DNAAF9: variants seen among roughly 807,000 people sequenced by gnomAD.
The protein encoded by DNAAF9 is shulin.
DNAAF9 carries 90 observed loss-of-function variants against 167.0 expected under a neutral mutation model. The observed-to-expected ratio is 0.54, with a 90% CI of 0.45 to 0.64. The LOEUF (loss-of-function observed/expected upper bound fraction) is 0.64. Among genes scored for constraint, DNAAF9 ranks in the 30% least tolerant of loss-of-function variants. The probability of loss-of-function intolerance (pLI) is 0.00; values close to 1 mark genes in which losing one functional copy is unlikely to be tolerated. For synonymous variants in DNAAF9, 491 were observed against 508.8 expected (o/e 0.96, Z 0.47); for missense variants, 1,315 against 1,442.2 (o/e 0.91, Z 1.43).
chr20:3,376,001 C>G (rs1055709659), intron 4 of DNAAF9, among the ~76,000 whole-genome samples, 177 bp downstream of exon 4: 3 of 152,190 alleles, frequency 2.0e-5, no homozygotes, highest in African/African-American at 7.2e-5. Flanking sequence ...CACAGGCATA[C>G]AATTTATCTA....
intron 6 of DNAAF9, among the ~76,000 whole-genome samples, chr20:3,372,119 CA>C (rs1344277882): frequency 6.6e-6 from 1 of 152,200 alleles, no homozygotes; most frequent in African/African-American, 2.4e-5. Context: ...CCATATAATA[CA>C]ACACAAGTTT....
chr20:3,399,547 G>T (rs2083955892), intron 1 of DNAAF9, among the ~76,000 whole-genome samples: 1 of 152,074 alleles, frequency 6.6e-6, no homozygotes, highest in Non-Finnish European at 1.5e-5. Flanking sequence ...CTTTATTTGT[G>T]GCAGCAATAG....
At chr20:3,300,205 C>T (rs1480229745) in intron 21 of DNAAF9, among the ~76,000 whole-genome samples, 1 of 152,012 alleles carries the variant, frequency 6.6e-6, no homozygotes, top group East Asian at 1.9e-4. Context: ...CGCCCGGCAG[C>T]GTTTTCCTAT....
intron 6 of DNAAF9, among the ~76,000 whole-genome samples, chr20:3,365,670 G>A (rs897844419): frequency 3.3e-5 from 5 of 152,154 alleles, no homozygotes; most frequent in African/African-American, 1.2e-4. Context: ...GGGATTACAG[G>A]CATGAGCCAC....
At chr20:3,336,855 A>G (rs1425197840) in intron 10 of DNAAF9, among the ~76,000 whole-genome samples, 1 of 150,690 alleles carries the variant, frequency 6.6e-6, no homozygotes, top group Non-Finnish European at 1.5e-5. Context: ...TTTTTACTTT[A>G]AAAATCTCAA....
chr20:3,376,278 T>C lies in DNAAF9; in HGVS notation c.308A>G (p.Asp103Gly). Residue 103 changes from aspartate to glycine, a missense_variant, in exon 4 of 37, where the codon GAT (aspartate) becomes GGT (glycine). Coordinates refer to ENST00000252032, the MANE Select transcript of DNAAF9 (RefSeq NM_001009984.3). ...LDDVIILIKSDSVHLYCNPVN... is the reference protein window; with the variant it reads ...LDDVIILIKSGSVHLYCNPVN... The stretch of plus-strand genomic sequence containing the variant: ...AGGATTACAGTACAGATGGACGCTA[T>C]CCGATTTAATCAATATAATTACATC... The C allele has an allele frequency of 6.2e-7, 1 of 1,610,454 alleles. No homozygotes were observed. Among genetic ancestry groups the C allele is most frequent in the Non-Finnish European group, 8.5e-7 (1 of 1,178,204 alleles).
intron 20 of DNAAF9, among the ~76,000 whole-genome samples, chr20:3,307,821 A>C (rs1026817681): frequency 6.6e-6 from 1 of 152,156 alleles, no homozygotes; most frequent in Non-Finnish European, 1.5e-5. Flanking sequence ...CTCTTTCAGA[A>C]AACTGGCTGT....
Position 3,379,117 on chromosome 20 carries a change from T to C in DNAAF9, c.283+2262A>G, listed in dbSNP as rs904550827. On this transcript the variant is annotated intron_variant, in intron 3 of 36. Coordinates refer to ENST00000252032, the MANE Select transcript of DNAAF9 (RefSeq NM_001009984.3). ...GACTGAGGGCTTCTGGTGTGTATTA[T>C]ACTCTACAGTAAAATGTAACATGCC... 2.6e-5 allele frequency among the ~76,000 whole-genome samples: 4 copies of C among 151,894 alleles called. 1 individual carries two copies. The highest frequency in any genetic ancestry group is 5.9e-5 in the Non-Finnish European group (4 of 67,920).
intron 1 of DNAAF9, among the ~76,000 whole-genome samples, chr20:3,391,266 T>A (rs1043866308): frequency 2.0e-5 from 3 of 152,214 alleles, no homozygotes; most frequent in African/African-American, 4.8e-5. Flanking sequence ...GATAGTTTTT[T>A]ATTCATCAAT....
chr20:3,326,394 A>C (rs1335640644), intron 12 of DNAAF9, 110 bp from the exon 13 acceptor site: 4 of 730,698 alleles, frequency 5.5e-6, no homozygotes, highest in Non-Finnish European at 9.4e-6. Context: ...AACAGAATGA[A>C]AAAAGGCAAA....
intron 33 of DNAAF9, 32 bp downstream of exon 33, chr20:3,259,448 T>A: frequency 7.4e-7 from 1 of 1,355,510 alleles, no homozygotes; most frequent in South Asian, 1.2e-5. Flanking sequence ...CACTCCATGG[T>A]GTAGAGCTCC....
At position 3,382,456 on chromosome 20, in the gene DNAAF9, G is replaced by A. The variant is rs1330707073; in HGVS notation, c.134C>T (p.Ser45Phe). ...VQSILTQSSK[S>F]RPDGILCILG... ...GATGCAGAGGATCCCATCCGGCCGAGACTTGCTGCTCTGGGTCAGGATGCT... is the reference window on the plus strand; with the variant it reads ...GATGCAGAGGATCCCATCCGGCCGAAACTTGCTGCTCTGGGTCAGGATGCT... The change falls in exon 2 of 37, where the codon TCT becomes TTT. Residue 45 changes from serine (S) to phenylalanine (F), a missense_variant. By Grantham distance (155) the Ser-to-Phe change is radical. This residue lies in a region of DNAAF9 where 981 missense variants were observed against 1,012.5 expected (regional missense o/e 0.97). Transcript: ENST00000252032. 1.9e-6 allele frequency: 3 copies of A among 1,613,922 alleles called. No individual in the cohort carries two copies. The highest frequency in any genetic ancestry group is 2.5e-6 in the Non-Finnish European group (3 of 1,179,824).
chr20:3,355,584 A>AG (rs1269259203), intron 7 of DNAAF9, among the ~76,000 whole-genome samples: 1 of 152,014 alleles, frequency 6.6e-6, no homozygotes, highest in Non-Finnish European at 1.5e-5. Flanking sequence ...AAAAAAAAAA[A>AG]GAAATTTTTA....
At chr20:3,387,234 A>G (rs1169153504) in intron 1 of DNAAF9, among the ~76,000 whole-genome samples, 1 of 152,198 alleles carries the variant, frequency 6.6e-6, no homozygotes, top group Admixed American at 6.5e-5. Flanking sequence ...AAGCTGTAGA[A>G]CTCACACTCC....
intron 1 of DNAAF9, chr20:3,384,388 G>A (rs1171009716): frequency 6.6e-6 from 1 of 152,176 alleles, no homozygotes; most frequent in Non-Finnish European, 1.5e-5. Context: ...CGTCACTGAT[G>A]ACTGTTTTCT....
At chr20:3,369,035 A>G (rs6133036) in intron 6 of DNAAF9, among the ~76,000 whole-genome samples, 30,757 of 151,748 alleles carry the variant, frequency 0.2, 3,392 homozygotes, top group African/African-American at 0.27. Context: ...AGGTTGTGGC[A>G]GGAGAATCGT....
intron 28 of DNAAF9, among the ~76,000 whole-genome samples, chr20:3,280,542 G>T (rs551542285): frequency 6.6e-6 from 1 of 150,570 alleles, no homozygotes; most frequent in East Asian, 2.0e-4. Context: ...TCCAACCTGG[G>T]CAACAAGAGC....
chr20:3,288,216 G>A (rs1206491810), intron 26 of DNAAF9, among the ~76,000 whole-genome samples: 2 of 152,214 alleles, frequency 1.3e-5, no homozygotes, highest in African/African-American at 2.4e-5. Context: ...TTGGGAGGCC[G>A]AGGCGGGCGG....
chr20:3,307,932 G>C (rs2069329473), intron 20 of DNAAF9, among the ~76,000 whole-genome samples: 1 of 140,076 alleles, frequency 7.1e-6, no homozygotes, highest in Admixed American at 7.6e-5. Context: ...TTCATCCTGT[G>C]TCTATAAATG....
Sources: gnomAD v4.1 joint callset for allele counts (sites outside exome capture counted in the v4.1 genomes callset) on GRCh38, gnomAD v4.1.1 for gene constraint, gnomAD v4.1.1 regional missense constraint, MANE v1.5 for transcripts, NCBI Gene and HGNC (gene_info 2026-07-23, HGNC 2026-07-21) for gene names.